Variants in WWOX observed in about 807,000 individuals in gnomAD.
The protein encoded by WWOX is WW domain containing oxidoreductase, also known as WW domain-containing oxidoreductase.
In WWOX, 69 loss-of-function variants were observed where a neutral mutation model predicts 46.2. The observed-to-expected ratio is 1.49, with a 90% confidence interval of 1.23 to 1.82. The LOEUF is 1.82. Among genes scored for constraint, WWOX ranks in the 40% most tolerant of loss-of-function variants. The pLI, the probability that WWOX is intolerant of heterozygous loss-of-function variation, is 0.00. For missense variants in WWOX, 919 were observed against 542.6 expected (o/e 1.69, Z -6.89); for synonymous variants, 359 against 202.6 (o/e 1.77, Z -6.56).
intron 8 of WWOX, among the ~76,000 whole-genome samples, chr16:78,688,142 G>A (rs1490939118): frequency 1.3e-5 from 2 of 151,848 alleles, no homozygotes; most frequent in Admixed American, 1.3e-4. Context: ...CAATAGAAAT[G>A]CATTTCAAAT....
At chr16:78,462,081 G>A (rs1303201938) in intron 8 of WWOX, among the ~76,000 whole-genome samples, 1 of 152,208 alleles carries the variant, frequency 6.6e-6, no homozygotes, top group Non-Finnish European at 1.5e-5. Context: ...CCAGGGTCTA[G>A]CAGTCATATA....
At chr16:78,879,319 G>A (rs1389955565) in intron 8 of WWOX, among the ~76,000 whole-genome samples, 7 of 152,100 alleles carry the variant, frequency 4.6e-5, no homozygotes, top group African/African-American at 1.4e-4. Flanking sequence ...GATAAATGGT[G>A]GACCCTCTGA....
chr16:79,094,559 C>G (rs1271198589), intron 8 of WWOX, among the ~76,000 whole-genome samples: 1 of 152,140 alleles, frequency 6.6e-6, no homozygotes, highest in Non-Finnish European at 1.5e-5. Context: ...GCCATTTCCT[C>G]AGTTTTAAAA....
chr16:78,796,034 A>G (rs141313073), intron 8 of WWOX, among the ~76,000 whole-genome samples: 2 of 152,338 alleles, frequency 1.3e-5, no homozygotes, highest in Non-Finnish European at 2.9e-5. Flanking sequence ...GTTTGTGGCA[A>G]TATTTGCTCA....
chr16:78,209,372 A>C (rs1374841273), intron 5 of WWOX, among the ~76,000 whole-genome samples: 1 of 152,204 alleles, frequency 6.6e-6, no homozygotes, highest in African/African-American at 2.4e-5. Context: ...TTCTTCATCT[A>C]GCTCAAGCCA....
In WWOX at chr16:78,355,873, G is replaced by A. The variant is rs375961631; in HGVS notation, c.517-30987G>A. ...TCCTGTACGGAAAACAGGAGACTTT[G>A]TACAGTGGCCTCTCTAAATGTGCAA... On this transcript the variant is annotated intron_variant, in intron 5 of 8. Coordinates refer to ENST00000566780, the MANE Select transcript of WWOX (RefSeq NM_016373.4). 6.1e-5 allele frequency: 33 copies of A among 542,986 alleles called. No individual in the cohort carries two copies. The East Asian group carries it at 9.4e-4, about 15-fold the overall frequency. The allele number at this position is 542,986 out of a possible 1,614,324, so 33.6% of individuals were successfully genotyped here.
chr16:78,955,262 C>T (rs1268335578), intron 8 of WWOX, among the ~76,000 whole-genome samples: 1 of 152,114 alleles, frequency 6.6e-6, no homozygotes, highest in Non-Finnish European at 1.5e-5. Flanking sequence ...CACAGATGGA[C>T]CTCCACATGT....
intron 8 of WWOX, among the ~76,000 whole-genome samples, chr16:78,654,937 T>C (rs2047048238): frequency 6.6e-6 from 1 of 152,098 alleles, no homozygotes; most frequent in East Asian, 1.9e-4. Context: ...TTTAGAAAGA[T>C]TAATTAAACA....
At chr16:78,808,852 C>T (rs1597648590) in intron 8 of WWOX, among the ~76,000 whole-genome samples, 1 of 152,134 alleles carries the variant, frequency 6.6e-6, no homozygotes, top group African/African-American at 2.4e-5. Flanking sequence ...ACGGCTGCCC[C>T]TCATTTGAAC....
rs200540986 is a variant in WWOX, at chr16:79,164,115, C to G, written c.1057-47493C>G. Among the ~76,000 whole-genome samples the G allele has an allele frequency of 1.6e-4, 25 of 152,070 alleles. No homozygotes were observed. The East Asian group carries it at 3.9e-3, about 24-fold the overall frequency. Reference sequence around the variant, plus strand: ...CTTTTCCTCGGTGCCACTTTATGGCCCAGAAACAAGGCTACAAAAACTTTA... The same window carrying G: ...CTTTTCCTCGGTGCCACTTTATGGCGCAGAAACAAGGCTACAAAAACTTTA... On this transcript the variant is annotated intron_variant, in intron 8 of 8. Coordinates refer to ENST00000566780, the MANE Select transcript of WWOX (RefSeq NM_016373.4).
chr16:78,666,019 T>A (rs1419209422), intron 8 of WWOX, among the ~76,000 whole-genome samples: 1 of 151,548 alleles, frequency 6.6e-6, no homozygotes, highest in African/African-American at 2.4e-5. Flanking sequence ...GCACAGTGGC[T>A]CATGCCTGTA....
At chr16:78,857,800 T>G (rs2052601521) in intron 8 of WWOX, among the ~76,000 whole-genome samples, 1 of 152,056 alleles carries the variant, frequency 6.6e-6, no homozygotes, top group Non-Finnish European at 1.5e-5. Flanking sequence ...ACATCTGCTG[T>G]TTATAGGAGC....
At position 78,753,940 on chromosome 16, in the gene WWOX, A is replaced by G. The variant is rs368071652; in HGVS notation, c.1056+321188A>G. 1.2e-4 allele frequency among the ~76,000 whole-genome samples: 18 copies of G among 148,308 alleles called. No homozygotes were observed. In the East Asian group the frequency reaches 3.2e-3, roughly 26 times the overall value. ...GTCACATGACTTTTAAGTGGCAGAA[A>G]CAGGGGAATTCTGTCTAACACAATC... On this transcript the variant is annotated intron_variant, in intron 8 of 8. Coordinates refer to ENST00000566780, the MANE Select transcript of WWOX (RefSeq NM_016373.4).
At chr16:78,886,639 C>CATGTATATAT (rs2044463922) in intron 8 of WWOX, among the ~76,000 whole-genome samples, 1 of 144,844 alleles carries the variant, frequency 6.9e-6, no homozygotes, top group African/African-American at 2.5e-5. Context: ...CAAAGAAAAA[C>CATGTATATAT]ATATATATAT....
At chr16:78,610,539 C>G (rs1040388291) in intron 8 of WWOX, among the ~76,000 whole-genome samples, 1 of 152,064 alleles carries the variant, frequency 6.6e-6, no homozygotes, top group Non-Finnish European at 1.5e-5. Context: ...CTTACCTGGA[C>G]ATATTAATTT....
At chr16:78,751,443 A>G (rs1052701141) in intron 8 of WWOX, among the ~76,000 whole-genome samples, 1 of 133,216 alleles carries the variant, frequency 7.5e-6, no homozygotes, top group Non-Finnish European at 1.6e-5. Flanking sequence ...ATCAGATTAT[A>G]TATATATTTA....
At chr16:79,195,071 A>G (rs1024511829) in intron 8 of WWOX, among the ~76,000 whole-genome samples, 6 of 152,128 alleles carry the variant, frequency 3.9e-5, no homozygotes, top group African/African-American at 1.4e-4. Context: ...GTCATTCCGG[A>G]TGGCTAAAGT....
chr16:78,986,035 A>G (rs2046778251), intron 8 of WWOX, among the ~76,000 whole-genome samples: 1 of 152,196 alleles, frequency 6.6e-6, no homozygotes, highest in Admixed American at 6.5e-5. Context: ...CAGGGTCAGA[A>G]TTTTATGCAA....
At chr16:78,579,374 C>G (rs979717217) in intron 8 of WWOX, among the ~76,000 whole-genome samples, 2 of 152,102 alleles carry the variant, frequency 1.3e-5, no homozygotes, top group Admixed American at 6.6e-5. Flanking sequence ...GAAGAGATGT[C>G]TGAGCCAAAT....
Sources: gnomAD v4.1 joint callset for allele counts (sites outside exome capture counted in the v4.1 genomes callset) on GRCh38, gnomAD v4.1.1 for gene constraint, MANE v1.5 for transcripts, NCBI Gene and HGNC (gene_info 2026-07-23, HGNC 2026-07-21) for gene names.